HHIP: variants seen among roughly 807,000 people sequenced by gnomAD.
The protein encoded by HHIP is hedgehog interacting protein, also known as hedgehog-interacting protein.
Under a neutral mutation model 74.0 loss-of-function variants are expected in HHIP, and 12 were observed. The observed-to-expected ratio is 0.16, with a 90% CI of 0.10 to 0.26. The LOEUF (loss-of-function observed/expected upper bound fraction) is 0.26. Ranked by LOEUF, HHIP falls within the 10% of genes least tolerant of loss-of-function variation. HHIP has a pLI of 1.00. For missense variants in HHIP, 788 were observed against 845.0 expected (o/e 0.93, Z 0.84); for synonymous variants, 309 against 311.6 (o/e 0.99, Z 0.09).
At chr4:144,698,295 A>G (rs1309913103) in intron 4 of HHIP, among the ~76,000 whole-genome samples, 1 of 152,200 alleles carries the variant, frequency 6.6e-6, no homozygotes, top group East Asian at 1.9e-4. Flanking sequence ...CACTGCATAA[A>G]GACATTTGAG....
rs117072351 is a variant in HHIP, at chr4:144,676,679, C to T, written c.831+16841C>T. ...CCTAGAATGTGGAAGGTAGTTTCCC[C>T]ACAGGAATATCAGTGTGCTTTCATC... On this transcript the variant is annotated intron_variant, in intron 4 of 12. Coordinates refer to ENST00000296575, the MANE Select transcript of HHIP (RefSeq NM_022475.3). Among the ~76,000 whole-genome samples, 149 of 152,228 alleles carry T rather than the reference C, an allele frequency of 9.8e-4. 5 individuals are homozygous for T. The East Asian group carries it at 0.021, about 22-fold the overall frequency.
chr4:144,733,022 A>G (rs2126689112), intron 11 of HHIP, among the ~76,000 whole-genome samples: 1 of 152,360 alleles, frequency 6.6e-6, no homozygotes, highest in East Asian at 1.9e-4. Context: ...CACAAACAAA[A>G]TAAGAATTTT....
At chr4:144,709,484 C>T (rs1007130456) in intron 7 of HHIP, among the ~76,000 whole-genome samples, 8 of 152,166 alleles carry the variant, frequency 5.3e-5, no homozygotes, top group African/African-American at 1.7e-4. Context: ...GCTTTACAGA[C>T]CAGATGTGTG....
chr4:144,723,779 T>C (rs1730704464), intron 11 of HHIP, among the ~76,000 whole-genome samples: 1 of 152,212 alleles, frequency 6.6e-6, no homozygotes, highest in Non-Finnish European at 1.5e-5. Flanking sequence ...TTTTCAAACA[T>C]GACAGAATTT....
chr4:144,735,600 T>G (rs1047363073), intron 12 of HHIP, among the ~76,000 whole-genome samples: 2 of 152,208 alleles, frequency 1.3e-5, no homozygotes, highest in Non-Finnish European at 2.9e-5. Context: ...AAAATGTGTA[T>G]GTTGAAAATG....
intron 4 of HHIP, among the ~76,000 whole-genome samples, chr4:144,701,191 T>G (rs2126646558): frequency 6.6e-6 from 1 of 152,322 alleles, no homozygotes; most frequent in Admixed American, 6.5e-5. Flanking sequence ...AGCAACAATT[T>G]TACCAGAGAG....
intron 1 of HHIP, among the ~76,000 whole-genome samples, chr4:144,647,446 G>A (rs574807895): frequency 6.6e-6 from 1 of 152,184 alleles, no homozygotes; most frequent in East Asian, 1.9e-4. Flanking sequence ...CCGTCAGAGG[G>A]GGGTGTCTTG....
intron 4 of HHIP, among the ~76,000 whole-genome samples, chr4:144,697,812 T>C (rs900292649): frequency 6.6e-6 from 1 of 152,166 alleles, no homozygotes; most frequent in African/African-American, 2.4e-5. Context: ...CAAAAGATCA[T>C]TCATATATGG....
chr4:144,731,998 C>G (rs899679491), intron 11 of HHIP, among the ~76,000 whole-genome samples: 1 of 152,124 alleles, frequency 6.6e-6, no homozygotes, highest in Non-Finnish European at 1.5e-5. Flanking sequence ...TATGTCTTAT[C>G]TCCCTGAAGA....
At position 144,646,969 on chromosome 4, in the gene HHIP, G is replaced by T; in HGVS notation, c.279+15G>T. ...TGGAGAATAAGGTAGGCACTCACCG[G>T]CTTCACGGATGCGTACTTGGCATAT... On this transcript the variant is annotated intron_variant, in intron 1 of 12. Coordinates refer to ENST00000296575, the MANE Select transcript of HHIP (RefSeq NM_022475.3). The T allele has an allele frequency of 1.3e-6, 2 of 1,581,554 alleles. No individual in the cohort carries two copies. The highest frequency in any genetic ancestry group is 1.7e-6 in the Non-Finnish European group (2 of 1,162,582).
chr4:144,697,026 A>T (rs1009293533), intron 4 of HHIP, among the ~76,000 whole-genome samples: 2 of 151,922 alleles, frequency 1.3e-5, no homozygotes. Context: ...TTACCCTTTT[A>T]CAGTTCAGTC....
chr4:144,660,306 C>A (rs78905966), intron 4 of HHIP: 7,283 of 168,850 alleles, frequency 0.043, 226 homozygotes, highest in Non-Finnish European at 0.063. Context: ...ACAGGTAAGT[C>A]AAATATTTCT....
Position 144,670,764 on chromosome 4 carries a change from GAAAAAAAAAAAAAAA to G in HHIP, c.831+10936_831+10950del, listed in dbSNP as rs1167213848. ...GTGAGTGAAAAGATGCTTAAGATTTGAAAAAAAAAAAAAAAAAAAAAAAAGAAAGAAAGAAAGTGC... is the reference window on the plus strand; with the variant it reads ...GTGAGTGAAAAGATGCTTAAGATTTGAAAAAAAAAGAAAGAAAGAAAGTGC... On this transcript the variant is annotated intron_variant, in intron 4 of 12. Transcript: ENST00000296575. Among the ~76,000 whole-genome samples the G allele has an allele frequency of 5.5e-5, 3 of 54,908 alleles. No individual in the cohort carries two copies. In the South Asian group the frequency reaches 3.4e-3, roughly 63 times the overall value. The allele number at this position is 54,908 out of a possible 152,430, so 36.0% of individuals were successfully genotyped here.
At chr4:144,735,570 A>T (rs1731091933) in intron 12 of HHIP, among the ~76,000 whole-genome samples, 1 of 152,164 alleles carries the variant, frequency 6.6e-6, no homozygotes, top group African/African-American at 2.4e-5. Context: ...AAATTAGATA[A>T]ATTTAGAAAC....
chr4:144,664,509 A>G (rs1346258793), intron 4 of HHIP, among the ~76,000 whole-genome samples: 1 of 152,208 alleles, frequency 6.6e-6, no homozygotes, highest in Non-Finnish European at 1.5e-5. Context: ...TTGACTTGCA[A>G]TCTTAAGGCA....
intron 11 of HHIP, among the ~76,000 whole-genome samples, chr4:144,724,638 C>T (rs1019942130): frequency 5.5e-5 from 8 of 146,758 alleles, no homozygotes; most frequent in African/African-American, 1.7e-4. Context: ...GAACATATAT[C>T]AGTCTTCTTT....
In HHIP at chr4:144,708,300, C is replaced by T. The variant is rs764862391; in HGVS notation, c.1290C>T (p.His430=). The T allele has an allele frequency of 1.7e-5, 28 of 1,613,960 alleles. No individual in the cohort carries two copies. Among genetic ancestry groups the T allele is most frequent in the South Asian group, 7.7e-5 (7 of 91,080 alleles). ...QPPEVFAHGL[H]DPGRCAVDRH... is the part of the protein sequence containing the mutation. ...CCGAAGTGTTTGCTCATGGGCTCCA[C>T]GATCCAGGCAGGTGAGAACACAAGT... The change falls in exon 7 of 13, where the codon CAC becomes CAT. Residue 430 remains histidine, a synonymous_variant. Coordinates refer to ENST00000296575, the MANE Select transcript of HHIP (RefSeq NM_022475.3).
intron 2 of HHIP, among the ~76,000 whole-genome samples, chr4:144,657,982 A>T (rs1728597596): frequency 6.6e-6 from 1 of 152,202 alleles, no homozygotes; most frequent in Non-Finnish European, 1.5e-5. Flanking sequence ...TGTGTTATTC[A>T]TTAGATTTAT....
At chr4:144,677,066 A>T (rs2126615095) in intron 4 of HHIP, among the ~76,000 whole-genome samples, 1 of 152,280 alleles carries the variant, frequency 6.6e-6, no homozygotes. Context: ...TCTGTGGTAA[A>T]CAGCAAGGAC....
Sources: gnomAD v4.1 joint callset for allele counts (sites outside exome capture counted in the v4.1 genomes callset) on GRCh38, gnomAD v4.1.1 for gene constraint, MANE v1.5 for transcripts, NCBI Gene and HGNC (gene_info 2026-07-23, HGNC 2026-07-21) for gene names.